Variants in USH2A observed in about 807,000 individuals in gnomAD.
The protein encoded by USH2A is usherin.
In USH2A, 443 loss-of-function variants were observed where a neutral mutation model predicts 538.9. The ratio of observed to expected loss-of-function variants is 0.82; its 90% CI spans 0.76 to 0.89. USH2A has a LOEUF of 0.89. Among genes scored for constraint, USH2A ranks in the 40% least tolerant of loss-of-function variants. The pLI is 0.00. For missense variants in USH2A, 6,633 were observed against 6,324.8 expected (o/e 1.05, Z -1.65); for synonymous variants, 2,413 against 2,273.5 (o/e 1.06, Z -1.75).
intron 3 of USH2A, among the ~76,000 whole-genome samples, chr1:216,377,807 A>AAAAGAAAG (rs200931887): frequency 0.027 from 1,334 of 49,440 alleles, 27 homozygotes; most frequent in South Asian, 0.045. Flanking sequence ...GAAAGAAATA[A>AAAAGAAAG]AAAGAAAGAA....
At chr1:216,420,715 A>C (rs1471272791) in intron 2 of USH2A, among the ~76,000 whole-genome samples, 1 of 152,198 alleles carries the variant, frequency 6.6e-6, no homozygotes, top group Non-Finnish European at 1.5e-5. Context: ...TTAATTATAT[A>C]AACTGAGTAG....
intron 38 of USH2A, among the ~76,000 whole-genome samples, chr1:215,933,405 T>C (rs1362364709): frequency 6.6e-6 from 1 of 152,002 alleles, no homozygotes; most frequent in African/African-American, 2.4e-5. Flanking sequence ...TCTCAATAAA[T>C]ATGATACTAA....
intron 64 of USH2A, 23 bp from the exon 65 acceptor site, chr1:215,650,824 C>T (rs780529642): frequency 6.4e-7 from 1 of 1,553,994 alleles, no homozygotes; most frequent in African/African-American, 1.4e-5. Context: ...ATCAACAAGA[C>T]TGTCAAAAGC....
intron 21 of USH2A, among the ~76,000 whole-genome samples, chr1:216,142,126 T>C (rs1468082872): frequency 6.6e-6 from 1 of 152,218 alleles, no homozygotes; most frequent in African/African-American, 2.4e-5. Context: ...TCACTCCTTA[T>C]TGTAAAACTA....
chr1:216,183,232 T>C (rs1189735434), intron 20 of USH2A, among the ~76,000 whole-genome samples: 1 of 151,974 alleles, frequency 6.6e-6, no homozygotes, highest in East Asian at 1.9e-4. Flanking sequence ...ACAGCAATCA[T>C]CAGCTGCGCT....
chr1:215,688,769 A>C (rs533241473), intron 61 of USH2A, among the ~76,000 whole-genome samples: 55 of 152,148 alleles, frequency 3.6e-4, no homozygotes, highest in Non-Finnish European at 7.4e-4. Context: ...ACCTTACTTA[A>C]GCTTAATTAC....
At chr1:216,395,897 A>G (rs970199333) in intron 3 of USH2A, among the ~76,000 whole-genome samples, 2 of 152,210 alleles carry the variant, frequency 1.3e-5, no homozygotes, top group African/African-American at 4.8e-5. Context: ...TCAATTATCT[A>G]TTCAAGAAAG....
At chr1:216,303,038 A>G (rs1213673259) in intron 9 of USH2A, among the ~76,000 whole-genome samples, 5 of 151,892 alleles carry the variant, frequency 3.3e-5, no homozygotes, top group Non-Finnish European at 7.4e-5. Flanking sequence ...TCAATACTGC[A>G]TGTTGTTAGG....
chr1:215,732,520 C>CTTTCTTA (rs139102320), intron 60 of USH2A, among the ~76,000 whole-genome samples: 27,111 of 137,612 alleles, frequency 0.2, 2,831 homozygotes, highest in Non-Finnish European at 0.23. Context: ...TCCCAATCCT[C>CTTTCTTA]TTTCTTATTC....
At chr1:216,022,201 G>A (rs1001027245) in intron 32 of USH2A, among the ~76,000 whole-genome samples, 5 of 152,104 alleles carry the variant, frequency 3.3e-5, no homozygotes, top group Non-Finnish European at 4.4e-5. Context: ...AAATTACCCA[G>A]TCTTGGGTGA....
At chr1:216,364,827 G>T in intron 4 of USH2A, 126 bp downstream of exon 4, 1 of 1,253,918 alleles carries the variant, frequency 8.0e-7, no homozygotes, top group Non-Finnish European at 1.1e-6. Context: ...TCCAGTTGGT[G>T]GTAATTTGTT....
intron 38 of USH2A, among the ~76,000 whole-genome samples, chr1:215,924,726 A>T (rs1409002094): frequency 6.6e-6 from 1 of 152,132 alleles, no homozygotes; most frequent in East Asian, 1.9e-4. Context: ...AACTTAAAGG[A>T]ACAATATTTC....
chr1:216,196,519 A>G (rs1488648552), intron 19 of USH2A, 34 bp downstream of exon 19: 1 of 1,612,422 alleles, frequency 6.2e-7, no homozygotes, highest in South Asian at 1.1e-5. Flanking sequence ...CCCTAAGCCA[A>G]TTCTGAAAGG....
At chr1:216,359,241 A>G (rs560744252) in intron 4 of USH2A, among the ~76,000 whole-genome samples, 6 of 152,272 alleles carry the variant, frequency 3.9e-5, no homozygotes, top group African/African-American at 1.2e-4. Flanking sequence ...TACAACAATC[A>G]TATGGAAATA....
chr1:216,095,103 AG>A (rs1301969971), intron 22 of USH2A, among the ~76,000 whole-genome samples: 2 of 152,094 alleles, frequency 1.3e-5, no homozygotes, highest in Admixed American at 6.6e-5. Context: ...GAAATTGATG[AG>A]TCTTTTCAAT....
chr1:216,368,973 C>T (rs897457195), intron 3 of USH2A, among the ~76,000 whole-genome samples: 8 of 152,034 alleles, frequency 5.3e-5, no homozygotes, highest in African/African-American at 1.7e-4. Context: ...GATTTGACAA[C>T]GTATCTTAAA....
At chr1:216,041,975 T>A (rs2030295871) in intron 32 of USH2A, among the ~76,000 whole-genome samples, 1 of 152,014 alleles carries the variant, frequency 6.6e-6, no homozygotes, top group African/African-American at 2.4e-5. Flanking sequence ...GCTATTCTTC[T>A]AGGAACCTAG....
At position 216,070,231 on chromosome 1, in the gene USH2A, C is replaced by G; in HGVS notation, c.5919G>C (p.Val1973=). ...VRSLNGYSIE[V]TWDEPVVRGV... ...CTCTGACAACAGGTTCATCCCAGGT[C>G]ACCTCAATGCTGTATCCATTTAAGC... The change falls in exon 30 of 72, where the codon GTG becomes GTC. Residue 1973 remains valine, a synonymous_variant. Coordinates refer to ENST00000307340, the MANE Select transcript of USH2A (RefSeq NM_206933.4). 1 of 1,613,970 alleles carries G rather than the reference C, an allele frequency of 6.2e-7. No individual in the cohort carries two copies. Among genetic ancestry groups the G allele is most frequent in the Non-Finnish European group, 8.5e-7 (1 of 1,179,920 alleles).
intron 64 of USH2A, among the ~76,000 whole-genome samples, chr1:215,665,715 C>T (rs1657585424): frequency 6.6e-6 from 1 of 152,174 alleles, no homozygotes; most frequent in African/African-American, 2.4e-5. Context: ...GAGGTTCACA[C>T]TGCATGTATT....
Sources: gnomAD v4.1 joint callset for allele counts (sites outside exome capture counted in the v4.1 genomes callset) on GRCh38, gnomAD v4.1.1 for gene constraint, MANE v1.5 for transcripts, NCBI Gene and HGNC (gene_info 2026-07-23, HGNC 2026-07-21) for gene names.